The following UGT1A3 variants were observed in gnomAD, a reference collection of about 807,000 sequenced individuals.
UGT1A3 encodes the protein UDP-glucuronosyltransferase 1A3.
UGT1A3 carries 31 observed loss-of-function variants against 41.0 expected under a neutral mutation model. That is an observed-to-expected ratio of 0.76 (90% CI 0.57 to 1.02). UGT1A3 has a LOEUF of 1.02. Among genes scored for constraint, UGT1A3 ranks in the 50% least tolerant of loss-of-function variants. The pLI, the probability that UGT1A3 is intolerant of heterozygous loss-of-function variation, is 0.00. For synonymous variants in UGT1A3, 262 were observed against 257.6 expected (o/e 1.02, Z -0.17); for missense variants, 737 against 671.0 (o/e 1.10, Z -1.09).
Position 233,769,464 on chromosome 2 carries a change from C to T in UGT1A3, c.1307+1025C>T, listed in dbSNP as rs557481865. The T allele has an allele frequency of 3.3e-5, 50 of 1,503,294 alleles. No individual in the cohort carries two copies. The highest frequency in any genetic ancestry group is 4.1e-5 in the African/African-American group (3 of 72,468). 93.1% of individuals were successfully genotyped at this position (1,503,294 alleles called of 1,614,324 possible). A position where few individuals can be genotyped will look rare whatever the true frequency, so the allele number is the denominator to read the frequency against. ...GGGTGCACACGTGTGCATTCATATG[C>T]GTGTGTGTGTGTGTGCGTGTGTTTA... On this transcript the variant is annotated intron_variant, in intron 4 of 4. Coordinates refer to ENST00000482026, the MANE Select transcript of UGT1A3 (RefSeq NM_019093.4). This position sits in a 1 kb window ranked among gnomAD's most constrained non-coding sequence, Gnocchi z 4.4.
At position 233,747,695 on chromosome 2, in the gene UGT1A3, G is replaced by A. The variant is rs569419089; in HGVS notation, c.867+17702G>A. The A allele has an allele frequency of 6.2e-4, 998 of 1,611,470 alleles. 13 individuals carry two copies. In the South Asian group the frequency reaches 7.6e-3, roughly 12 times the overall value. On this transcript the variant is annotated intron_variant, in intron 1 of 4. Coordinates refer to ENST00000482026, the MANE Select transcript of UGT1A3 (RefSeq NM_019093.4). ...CAATTTACCTCTGTGGGGCAGTGCTGGCTAAGTACCTATCAATTCCTGCTG... is the reference window on the plus strand; with the variant it reads ...CAATTTACCTCTGTGGGGCAGTGCTAGCTAAGTACCTATCAATTCCTGCTG...
chr2:233,735,959 A>G (rs1268805881), intron 1 of UGT1A3, among the ~76,000 whole-genome samples: 1 of 151,776 alleles, frequency 6.6e-6, no homozygotes, highest in Non-Finnish European at 1.5e-5. Flanking sequence ...CCTTCATTTC[A>G]ACTTTGGTGA....
chr2:233,749,702 A>G (rs7556792), intron 1 of UGT1A3, among the ~76,000 whole-genome samples: 1 of 151,694 alleles, frequency 6.6e-6, no homozygotes, highest in African/African-American at 2.4e-5. Context: ...GTGGGAGGTG[A>G]TTGGATCATG....
chr2:233,772,599 C>A lies in UGT1A3; in HGVS notation c.*40C>A, dbSNP rs1313882407. ...ATAAGGTAAAATTTTGAACCATTCC[C>A]TAGTCATTTCCAAACTTGAAAACAG... On this transcript the variant is annotated 3_prime_UTR_variant, in exon 5 of 5. Coordinates refer to ENST00000482026, the MANE Select transcript of UGT1A3 (RefSeq NM_019093.4). 3.8e-6 allele frequency: 6 copies of A among 1,591,492 alleles called. No individual in the cohort carries two copies. Among genetic ancestry groups the A allele is most frequent in the Non-Finnish European group, 5.1e-6 (6 of 1,168,132 alleles).
At chr2:233,751,396 T>C (rs939071089) in intron 1 of UGT1A3, among the ~76,000 whole-genome samples, 1 of 152,154 alleles carries the variant, frequency 6.6e-6, no homozygotes, top group African/African-American at 2.4e-5. Context: ...CAGATAAGAC[T>C]TTGGACTATG....
chr2:233,754,495 A>T, intron 1 of UGT1A3: 1 of 357,368 alleles, frequency 2.8e-6, no homozygotes, highest in Non-Finnish European at 5.5e-6. Context: ...TCCTAAAAAA[A>T]GTCCGCTATT....
chr2:233,747,081 A>G (rs1196647513), intron 1 of UGT1A3: 7 of 1,127,108 alleles, frequency 6.2e-6, no homozygotes, highest in Non-Finnish European at 1.2e-6. Context: ...ATTAACTAGG[A>G]GGAGAGCACT....
At chr2:233,747,626 C>T (rs546895525) in intron 1 of UGT1A3, 3 of 1,577,388 alleles carry the variant, frequency 1.9e-6, no homozygotes, top group Admixed American at 1.7e-5. Flanking sequence ...AGGCCCTGAT[C>T]AGGCACCTGA....
chr2:233,768,582 C>CTTTTTTTTTT (rs139595073), intron 4 of UGT1A3, 143 bp downstream of exon 4: 1 of 867,188 alleles, frequency 1.2e-6, no homozygotes, highest in Non-Finnish European at 1.4e-6. Flanking sequence ...TTTATTTCTT[C>CTTTTTTTTTT]TTTTTTTTTT....
chr2:233,755,203 AC>A (rs1695811923), intron 1 of UGT1A3: 1 of 1,097,556 alleles, frequency 9.1e-7, no homozygotes, highest in East Asian at 4.8e-5. Flanking sequence ...AGCTTGCGGT[AC>A]GCCTTCTTGA....
At chr2:233,771,559 G>GTA (rs1700328528) in intron 4 of UGT1A3, 1 of 152,152 alleles carries the variant, frequency 6.6e-6, no homozygotes, top group South Asian at 2.1e-4. Flanking sequence ...CTGTTAATTT[G>GTA]GCCAGAGGTG....
intron 1 of UGT1A3, among the ~76,000 whole-genome samples, chr2:233,757,709 C>T (rs1363556307): frequency 2.0e-5 from 3 of 151,302 alleles, no homozygotes; most frequent in Admixed American, 6.6e-5. Context: ...CTTTGCTTCC[C>T]GGGAGGGTCC....
In UGT1A3 at chr2:233,729,245, A is replaced by C. The variant is rs548939333; in HGVS notation, c.119A>C (p.His40Pro). Residue 40 changes from histidine to proline, a missense_variant, in exon 1 of 5, where the codon CAC (histidine) becomes CCC (proline). His to Pro is a moderately conservative substitution (Grantham distance 77). Transcript: ENST00000482026. ...KVLVVPIDGS[H>P]WLSMREVLRE... ...TTGGTGGTGCCCATTGATGGCAGCC[A>C]CTGGCTCAGCATGCGGGAGGTCTTG... The C allele has an allele frequency of 5.1e-5, 82 of 1,614,188 alleles. No individual in the cohort carries two copies. Among genetic ancestry groups the C allele is most frequent in the South Asian group, 2.9e-4 (26 of 91,086 alleles).
chr2:233,763,660 ACTC>A (rs2126005319), intron 1 of UGT1A3, among the ~76,000 whole-genome samples: 1 of 152,174 alleles, frequency 6.6e-6, no homozygotes, highest in South Asian at 2.1e-4. Context: ...TCTTGATAAA[ACTC>A]CTGAACTTTA....
At chr2:233,756,820 A>C (rs1170883344) in intron 1 of UGT1A3, among the ~76,000 whole-genome samples, 1 of 152,072 alleles carries the variant, frequency 6.6e-6, no homozygotes, top group Admixed American at 6.5e-5. Context: ...CTCAATTCCA[A>C]GGGGAAAATG....
intron 1 of UGT1A3, chr2:233,754,387 G>A: frequency 3.3e-6 from 1 of 304,284 alleles, no homozygotes; most frequent in East Asian, 8.4e-5. Flanking sequence ...ACAAACAGAG[G>A]TCCTATCCGT....
At chr2:233,760,933 G>A (rs1697618719) in intron 1 of UGT1A3, 3 of 1,614,198 alleles carry the variant, frequency 1.9e-6, no homozygotes, top group South Asian at 1.1e-5. Flanking sequence ...CATGCTCATT[G>A]CCTTTTCACA....
At chr2:233,756,656 A>G (rs934932092) in intron 1 of UGT1A3, among the ~76,000 whole-genome samples, 3 of 152,202 alleles carry the variant, frequency 2.0e-5, no homozygotes, top group Non-Finnish European at 4.4e-5. Flanking sequence ...CATGGGATGC[A>G]GTGATTATTT....
rs34650714 is a variant in UGT1A3 at position 233,767,183 on chromosome 2, C to T, written c.999+18C>T. The T allele has an allele frequency of 6.4e-3, 10,393 of 1,613,868 alleles. 514 individuals carry two copies. The African/African-American group carries it at 0.12, about 18-fold the overall frequency. On this transcript the variant is annotated intron_variant, in intron 2 of 4. Transcript: ENST00000482026. The stretch of plus-strand genomic sequence containing the variant: ...CTCAGACAGTAAGAAGATTCTATAC[C>T]ATGGCCTCATATCTATTTTCACAGG...
Sources: allele counts gnomAD v4.1 joint callset (sites outside exome capture counted in the v4.1 genomes callset), GRCh38; gene constraint gnomAD v4.1.1; non-coding constraint Gnocchi (gnomAD v3.1); transcripts MANE v1.5; gene names NCBI Gene and HGNC (gene_info 2026-07-23, HGNC 2026-07-21).